The following KCNIP4 variants were observed in gnomAD, a reference collection of about 807,000 sequenced individuals.
The protein encoded by KCNIP4 is Kv channel-interacting protein 4.
A neutral mutation model predicts 34.0 loss-of-function variants in KCNIP4; 12 were observed. The ratio of observed to expected loss-of-function variants is 0.35; its 90% CI spans 0.23 to 0.57. KCNIP4 has a LOEUF of 0.57. KCNIP4 is among the 20% of genes least tolerant of loss of function. The pLI is 0.83. For missense variants in KCNIP4, 238 were observed against 311.7 expected, an observed-to-expected ratio of 0.76 and a Z score of 1.78; for synonymous variants, 124 against 102.2, an observed-to-expected ratio of 1.21 and a Z score of -1.29.
chr4:21,530,004 T>C (rs893835406), intron 1 of KCNIP4, among the ~76,000 whole-genome samples: 1 of 152,154 alleles, frequency 6.6e-6, no homozygotes, highest in African/African-American at 2.4e-5. Context: ...CTAGCACATA[T>C]TGATCACTTA....
chr4:21,286,020 C>G (rs929736431), intron 1 of KCNIP4, among the ~76,000 whole-genome samples: 3 of 152,188 alleles, frequency 2.0e-5, no homozygotes, highest in Non-Finnish European at 4.4e-5. Flanking sequence ...CCAGAGCACT[C>G]AGAGCCTTTG....
chr4:21,277,106 A>G (rs1474329651), intron 1 of KCNIP4, among the ~76,000 whole-genome samples: 1 of 152,212 alleles, frequency 6.6e-6, no homozygotes, highest in Admixed American at 6.5e-5. Context: ...TTGTGTTCAT[A>G]TAGCCGTATT....
At chr4:21,207,849 T>TC (rs1756956012) in intron 1 of KCNIP4, among the ~76,000 whole-genome samples, 1 of 149,722 alleles carries the variant, frequency 6.7e-6, no homozygotes, top group African/African-American at 2.5e-5. Flanking sequence ...TTTTCTTTTT[T>TC]TTTTTTTTTC....
In KCNIP4 at chr4:20,774,996, C is replaced by T. The variant is rs1756250917; in HGVS notation, c.289-16106G>A. 1.3e-5 allele frequency among the ~76,000 whole-genome samples: 2 copies of T among 152,202 alleles called. 1 individual carries two copies. Among genetic ancestry groups the T allele is most frequent in the South Asian group, 4.1e-4 (2 of 4,826 alleles). On this transcript the variant is annotated intron_variant, in intron 3 of 8. Coordinates refer to ENST00000382152, the MANE Select transcript of KCNIP4 (RefSeq NM_025221.6). ...TCCCAATCGCATTCTAAACACTCAG[C>T]ATCCCTCTCTTTTCTGTTTACTCTA...
At chr4:21,292,564 C>A (rs1578032172) in intron 1 of KCNIP4, among the ~76,000 whole-genome samples, 1 of 152,258 alleles carries the variant, frequency 6.6e-6, no homozygotes, top group East Asian at 1.9e-4. Context: ...AATGGGCACT[C>A]AGCACTGCCC....
At chr4:20,913,167 GT>G (rs970151513) in intron 1 of KCNIP4, among the ~76,000 whole-genome samples, 1 of 151,862 alleles carries the variant, frequency 6.6e-6, no homozygotes, top group Non-Finnish European at 1.5e-5. Flanking sequence ...ACAAAAGGTG[GT>G]TTTTTTCAGC....
At chr4:21,078,141 A>G (rs1456671986) in intron 1 of KCNIP4, among the ~76,000 whole-genome samples, 5 of 152,080 alleles carry the variant, frequency 3.3e-5, no homozygotes, top group African/African-American at 4.8e-5. Context: ...GACACATATT[A>G]GGAGAGATGG....
chr4:21,934,260 C>G (rs188119515), intron 1 of KCNIP4, among the ~76,000 whole-genome samples: 99 of 152,118 alleles, frequency 6.5e-4, no homozygotes, highest in Middle Eastern at 3.4e-3. Context: ...CTAGGCTGCC[C>G]CAGACTCTTA....
At chr4:21,209,959 A>T (rs2108974870) in intron 1 of KCNIP4, among the ~76,000 whole-genome samples, 1 of 152,282 alleles carries the variant, frequency 6.6e-6, no homozygotes, top group Non-Finnish European at 1.5e-5. Flanking sequence ...TCATGCTCAA[A>T]TGCTTAACTG....
At chr4:20,735,693 T>A (rs1164508632) in intron 5 of KCNIP4, among the ~76,000 whole-genome samples, 1 of 151,922 alleles carries the variant, frequency 6.6e-6, no homozygotes, top group Non-Finnish European at 1.5e-5. Context: ...CCCGCCACCA[T>A]GCCTGACTAA....
At chr4:21,519,663 T>C (rs111203881) in intron 1 of KCNIP4, among the ~76,000 whole-genome samples, 2,726 of 118,100 alleles carry the variant, frequency 0.023, 74 homozygotes, top group East Asian at 0.053. Context: ...TGTGTATATA[T>C]ACACGTGTGT....
chr4:21,626,313 G>A (rs1449014181), intron 1 of KCNIP4, among the ~76,000 whole-genome samples: 2 of 151,974 alleles, frequency 1.3e-5, no homozygotes, highest in Non-Finnish European at 2.9e-5. Context: ...AGGGTTAGAT[G>A]AGGCCACGAA....
chr4:21,176,857 A>G lies in KCNIP4; in HGVS notation c.62-294148T>C, dbSNP rs375260546. On this transcript the variant is annotated intron_variant, in intron 1 of 8. Coordinates refer to ENST00000382152, the MANE Select transcript of KCNIP4 (RefSeq NM_025221.6). ...ACACTAGCTCCTTCCTAGGACATCA[A>G]AACAAATCCAGCACACCTGTCTTTT... is the stretch of plus-strand genomic sequence containing the variant. 4.3e-4 allele frequency among the ~76,000 whole-genome samples: 66 copies of G among 152,264 alleles called. 1 individual carries two copies. In the East Asian group the frequency reaches 0.011, roughly 26 times the overall value.
chr4:21,664,432 A>T (rs997054464), intron 1 of KCNIP4, among the ~76,000 whole-genome samples: 5 of 152,094 alleles, frequency 3.3e-5, no homozygotes, highest in Non-Finnish European at 7.4e-5. Context: ...AAAAAATAGG[A>T]ACCAGAGAAA....
intron 1 of KCNIP4, among the ~76,000 whole-genome samples, chr4:21,190,942 G>T (rs1755599890): frequency 6.6e-6 from 1 of 152,312 alleles, no homozygotes; most frequent in East Asian, 1.9e-4. Context: ...GTTACAATTT[G>T]TCAGCAGTAA....
At chr4:21,649,236 T>C (rs1329373556) in intron 1 of KCNIP4, among the ~76,000 whole-genome samples, 1 of 152,188 alleles carries the variant, frequency 6.6e-6, no homozygotes, top group African/African-American at 2.4e-5. Flanking sequence ...AAAGGTATTA[T>C]TACCATCATC....
intron 1 of KCNIP4, among the ~76,000 whole-genome samples, chr4:21,808,907 C>T (rs1312120661): frequency 4.6e-5 from 7 of 152,094 alleles, no homozygotes; most frequent in African/African-American, 1.7e-4. Context: ...AGAAACTCTC[C>T]AAGATGGAGA....
intron 1 of KCNIP4, among the ~76,000 whole-genome samples, chr4:21,487,571 G>A (rs1261882473): frequency 6.6e-6 from 1 of 152,090 alleles, no homozygotes; most frequent in Non-Finnish European, 1.5e-5. Context: ...TAAGGAATGG[G>A]GAGCAATGTT....
At chr4:20,770,025 C>T (rs1578575613) in intron 3 of KCNIP4, among the ~76,000 whole-genome samples, 1 of 152,120 alleles carries the variant, frequency 6.6e-6, no homozygotes, top group Admixed American at 6.5e-5. Context: ...TAGTACCTTG[C>T]TTAGTATTTG....
Sources: gnomAD v4.1 joint callset for allele counts (sites outside exome capture counted in the v4.1 genomes callset) on GRCh38, gnomAD v4.1.1 for gene constraint, MANE v1.5 for transcripts, NCBI Gene and HGNC (gene_info 2026-07-23, HGNC 2026-07-21) for gene names.